The following MAP2K6 variants were observed in gnomAD, a reference collection of about 807,000 sequenced individuals.
MAP2K6 encodes dual specificity mitogen-activated protein kinase kinase 6.
Under a neutral mutation model 53.7 loss-of-function variants are expected in MAP2K6, and 16 were observed. That is an observed-to-expected ratio of 0.30 (90% CI 0.20 to 0.45). The LOEUF is 0.45. Among genes scored for constraint, MAP2K6 ranks in the 20% least tolerant of loss-of-function variants. The pLI is 1.00. For synonymous variants in MAP2K6, 132 were observed against 143.1 expected, an observed-to-expected ratio of 0.92 and a Z score of 0.55; for missense variants, 204 against 411.9, an observed-to-expected ratio of 0.50 and a Z score of 4.37.
intron 11 of MAP2K6, among the ~76,000 whole-genome samples, 179 bp downstream of exon 11, chr17:69,536,339 A>G (rs1911357389): frequency 6.6e-6 from 1 of 152,224 alleles, no homozygotes; most frequent in Non-Finnish European, 1.5e-5. Flanking sequence ...CTTCTTAAAC[A>G]TAGGTTGGGA....
At position 69,550,064 on chromosome 17, in the gene MAP2K6, C is replaced by A; in HGVS notation, c.*8311C>A. ...CCTATGGGAAAACCCATCAAAAAGC[C>A]AAACCTTTATTGTTATTTTTCCTTA... On this transcript the variant is annotated 3_prime_UTR_variant, in exon 12 of 12. Transcript: ENST00000590474. The A allele has an allele frequency of 6.6e-6, 1 of 151,950 alleles. No homozygotes were observed. Among genetic ancestry groups the A allele is most frequent in the South Asian group, 2.1e-4 (1 of 4,820 alleles). The allele number at this position is 151,950 out of a possible 1,614,324, so 9.4% of individuals were successfully genotyped here.
chr17:69,496,395 C>A (rs1336437161), intron 1 of MAP2K6, among the ~76,000 whole-genome samples: 1 of 151,950 alleles, frequency 6.6e-6, no homozygotes, highest in African/African-American at 2.4e-5. Context: ...CCTCAGCCTC[C>A]AGAGTAGCTG....
chr17:69,439,895 T>G (rs1906762612), intron 1 of MAP2K6, among the ~76,000 whole-genome samples: 2 of 152,330 alleles, frequency 1.3e-5, no homozygotes, highest in South Asian at 4.1e-4. Context: ...TGCTAAATAC[T>G]GTATAAGTGT....
At chr17:69,447,134 C>A (rs1453433503) in intron 1 of MAP2K6, among the ~76,000 whole-genome samples, 1 of 151,164 alleles carries the variant, frequency 6.6e-6, no homozygotes, top group Non-Finnish European at 1.5e-5. Context: ...TGCGTCACCA[C>A]GCCTGGCTAA....
In MAP2K6 at chr17:69,543,617, A is replaced by T. The variant is rs1044214822; in HGVS notation, c.*1864A>T. 6.6e-5 allele frequency: 10 copies of T among 152,156 alleles called. No homozygotes were observed. The highest frequency in any genetic ancestry group is 1.5e-4 in the Non-Finnish European group (10 of 68,026). The allele number at this position is 152,156 out of a possible 1,614,324, so 9.4% of individuals were successfully genotyped here. On this transcript the variant is annotated 3_prime_UTR_variant, in exon 12 of 12. Transcript: ENST00000590474. ...AAGTTCTTCTCTTGGAGATCAAGAG[A>T]AAAATTACAATTGTATTCCTTACTT...
intron 10 of MAP2K6, among the ~76,000 whole-genome samples, chr17:69,531,269 T>A (rs1490532105): frequency 6.6e-6 from 1 of 152,230 alleles, no homozygotes; most frequent in African/African-American, 2.4e-5. Flanking sequence ...GAACCCATTA[T>A]ACCCGCAGCC....
intron 7 of MAP2K6, chr17:69,521,825 A>AG (rs920079553): frequency 3.3e-5 from 5 of 150,936 alleles, no homozygotes; most frequent in African/African-American, 1.2e-4. Flanking sequence ...AAAAAAAAAA[A>AG]AAAAAAAACC....
intron 1 of MAP2K6, among the ~76,000 whole-genome samples, chr17:69,423,790 C>T (rs189486301): frequency 5.9e-5 from 9 of 152,232 alleles, no homozygotes; most frequent in Middle Eastern, 3.4e-3. Context: ...TTCTTCCCTT[C>T]GATGAGAAGC....
At chr17:69,492,560 T>C (rs1397625002) in intron 1 of MAP2K6, among the ~76,000 whole-genome samples, 2 of 152,204 alleles carry the variant, frequency 1.3e-5, no homozygotes, top group Non-Finnish European at 2.9e-5. Context: ...AGTGAAGGTA[T>C]TGGCATGTCA....
intron 1 of MAP2K6, among the ~76,000 whole-genome samples, chr17:69,430,896 A>T (rs1462321890): frequency 1.3e-5 from 2 of 152,142 alleles, no homozygotes; most frequent in Non-Finnish European, 2.9e-5. Context: ...TTATACTGCT[A>T]CTCTATTCTA....
intron 2 of MAP2K6, among the ~76,000 whole-genome samples, chr17:69,510,105 C>G (rs1438134272): frequency 6.6e-6 from 1 of 152,188 alleles, no homozygotes; most frequent in Middle Eastern, 3.2e-3. Flanking sequence ...TTGGCCCTCC[C>G]AAAGTGCTGG....
chr17:69,426,251 T>C (rs1312453252), intron 1 of MAP2K6, among the ~76,000 whole-genome samples: 13 of 152,230 alleles, frequency 8.5e-5, no homozygotes, highest in Non-Finnish European at 1.9e-4. Flanking sequence ...TGCATTTGAC[T>C]TTACTCTTCC....
chr17:69,520,199 G>GTT (rs370731454), intron 5 of MAP2K6, 71 bp from the exon 6 acceptor site: 434 of 629,388 alleles, frequency 6.9e-4, no homozygotes, highest in Admixed American at 1.1e-3. Flanking sequence ...AGGGTTTACT[G>GTT]TTTTTTTTTT....
At chr17:69,429,060 A>G (rs73363573) in intron 1 of MAP2K6, among the ~76,000 whole-genome samples, 2 of 152,000 alleles carry the variant, frequency 1.3e-5, no homozygotes, top group African/African-American at 4.8e-5. Flanking sequence ...GTACAGATAC[A>G]GGGACAGGAC....
At chr17:69,470,054 C>T (rs552547909) in intron 1 of MAP2K6, among the ~76,000 whole-genome samples, 23 of 152,024 alleles carry the variant, frequency 1.5e-4, no homozygotes, top group African/African-American at 5.1e-4. Context: ...AAATCCAAAA[C>T]GTTAGCTGGG....
chr17:69,538,300 T>G lies in MAP2K6; in HGVS notation c.927+2140T>G, dbSNP rs1428960404. ...GAAACACACTTGAGAAAAGAATGCT[T>G]AATATACATGGGCAGCTGATGTCAA... On this transcript the variant is annotated intron_variant, in intron 11 of 11. Transcript: ENST00000590474. Among the ~76,000 whole-genome samples, 9 of 152,266 alleles carry G rather than the reference T, an allele frequency of 5.9e-5. No individual in the cohort carries two copies. In the South Asian group the frequency reaches 1.4e-3, roughly 25 times the overall value.
chr17:69,550,024 T>C lies in MAP2K6; in HGVS notation c.*8271T>C, dbSNP rs1382541321. ...TTAATTTATTTGCAGTGTTGCTATA[T>C]TATAGAGATGATTTCCTATGGGAAA... On this transcript the variant is annotated 3_prime_UTR_variant, in exon 12 of 12. Transcript: ENST00000590474. The C allele has an allele frequency of 6.6e-6, 1 of 152,152 alleles. No homozygotes were observed. The highest frequency in any genetic ancestry group is 2.4e-5 in the African/African-American group (1 of 41,440). The allele number at this position is 152,152 out of a possible 1,614,324, so 9.4% of individuals were successfully genotyped here.
At chr17:69,456,141 G>A (rs563085901) in intron 1 of MAP2K6, among the ~76,000 whole-genome samples, 18 of 152,298 alleles carry the variant, frequency 1.2e-4, no homozygotes, top group African/African-American at 3.6e-4. Context: ...GATTACAGGC[G>A]TGAGCCACAG....
intron 1 of MAP2K6, among the ~76,000 whole-genome samples, chr17:69,441,334 A>T (rs563591263): frequency 1.3e-5 from 2 of 150,984 alleles, no homozygotes; most frequent in Non-Finnish European, 3.0e-5. Flanking sequence ...TTTTCTCTCT[A>T]TTTTTCAAAT....
Sources: gnomAD v4.1 joint callset for allele counts (sites outside exome capture counted in the v4.1 genomes callset) on GRCh38, gnomAD v4.1.1 for gene constraint, MANE v1.5 for transcripts, NCBI Gene and HGNC (gene_info 2026-07-23, HGNC 2026-07-21) for gene names.